ATP8A1: variants seen among roughly 807,000 people sequenced by gnomAD.
The protein encoded by ATP8A1 is phospholipid-transporting ATPase IA.
In ATP8A1, 90 loss-of-function variants were observed where a neutral mutation model predicts 177.7. That is an observed-to-expected ratio of 0.51 (90% CI 0.43 to 0.60). The LOEUF (loss-of-function observed/expected upper bound fraction) is 0.60, where lower values mean the gene tolerates loss of function less well. Ranked by LOEUF, ATP8A1 falls within the 20% of genes least tolerant of loss-of-function variation. The probability of loss-of-function intolerance (pLI) is 0.00; values close to 1 mark genes in which losing one functional copy is unlikely to be tolerated. For missense variants in ATP8A1, 1,072 were observed against 1,392.8 expected (o/e 0.77, Z 3.67); for synonymous variants, 493 against 485.9 (o/e 1.01, Z -0.19).
intron 30 of ATP8A1, 31 bp from the exon 31 acceptor site, chr4:42,446,675 G>A (rs1271909813): frequency 1.3e-6 from 2 of 1,569,874 alleles, no homozygotes; most frequent in South Asian, 1.1e-5. Context: ...TATTAGAAAG[G>A]AAAATGAGAT....
chr4:42,538,684 A>G (rs1031771276), intron 20 of ATP8A1, among the ~76,000 whole-genome samples: 3 of 152,242 alleles, frequency 2.0e-5, no homozygotes, highest in Non-Finnish European at 2.9e-5. Flanking sequence ...TACCAGGGAA[A>G]TGCAAATCAT....
chr4:42,569,192 G>A lies in ATP8A1; in HGVS notation c.1309C>T (p.Pro437Ser). 6.2e-7 allele frequency: 1 copy of A among 1,607,452 alleles called. No homozygotes were observed. The highest frequency in any genetic ancestry group is 2.3e-5 in the East Asian group (1 of 44,324). ...TCAGGAGAGCAGCCATAATCCTCAG[G>A]TTCAGGGACATGGCTTCAGAAAGCA... The part of the protein sequence containing the change: ...AGVAYGHVPE[P>S]EDYGCSPDEW... The change falls in exon 15 of 37, where the codon CCT (proline) becomes TCT (serine). Residue 437 changes from proline to serine, a missense_variant. By Grantham distance (74) the Pro-to-Ser change is moderately conservative. Around this residue, in one of 5 missense-constraint regions of ATP8A1, gnomAD observed 388 missense variants for 471.7 expected, o/e 0.82. Coordinates refer to ENST00000381668, the MANE Select transcript of ATP8A1 (RefSeq NM_006095.2).
At chr4:42,636,156 A>ACGCGCGTGCGCG (rs1553920759) in intron 1 of ATP8A1, among the ~76,000 whole-genome samples, 1 of 90,898 alleles carries the variant, frequency 1.1e-5, no homozygotes, top group Non-Finnish European at 2.6e-5. Context: ...ACACACACAC[A>ACGCGCGTGCGCG]CGCACACACA....
chr4:42,613,586 T>A (rs950909056), intron 5 of ATP8A1, among the ~76,000 whole-genome samples: 8 of 152,120 alleles, frequency 5.3e-5, no homozygotes, highest in African/African-American at 1.7e-4. Context: ...ATTGTTGCAT[T>A]GTTTTTCTTT....
intron 25 of ATP8A1, among the ~76,000 whole-genome samples, chr4:42,469,820 A>C (rs988876220): frequency 6.7e-6 from 1 of 150,064 alleles, no homozygotes; most frequent in African/African-American, 2.4e-5. Flanking sequence ...CTTGATTGTC[A>C]GTACACTTGC....
At chr4:42,471,179 T>C (rs1001787779) in intron 25 of ATP8A1, among the ~76,000 whole-genome samples, 2 of 152,178 alleles carry the variant, frequency 1.3e-5, no homozygotes, top group East Asian at 1.9e-4. Context: ...GTCTTAAAAA[T>C]GATACTTAGC....
Position 42,455,288 on chromosome 4 carries a change from G to A in ATP8A1, c.2817+9C>T. On this transcript the variant is annotated intron_variant, in intron 29 of 36. Transcript: ENST00000381668. ...CCAAACATGTCCCAGCCAGGGCACT[G>A]TGTCCTACCTTGGTGTTGAAGTCCA... 1 of 1,613,456 alleles carries A rather than the reference G, an allele frequency of 6.2e-7. No homozygotes were observed. Among genetic ancestry groups the A allele is most frequent in the East Asian group, 2.2e-5 (1 of 44,870 alleles).
chr4:42,648,283 G>A (rs1041721818), intron 1 of ATP8A1, among the ~76,000 whole-genome samples: 2 of 150,360 alleles, frequency 1.3e-5, no homozygotes, highest in Non-Finnish European at 3.0e-5. Flanking sequence ...GGACAGCTAA[G>A]AGAATATTTT....
At chr4:42,613,159 T>C (rs754869345) in intron 5 of ATP8A1, among the ~76,000 whole-genome samples, 4 of 152,198 alleles carry the variant, frequency 2.6e-5, no homozygotes, top group Non-Finnish European at 5.9e-5. Context: ...CAGCAAACAG[T>C]ATCCTACTCG....
chr4:42,546,162 T>A (rs1356498070), intron 19 of ATP8A1, among the ~76,000 whole-genome samples: 2 of 152,086 alleles, frequency 1.3e-5, no homozygotes, highest in East Asian at 3.9e-4. Context: ...GTCCAAAGGT[T>A]ATGCTGTTCT....
chr4:42,588,235 T>C (rs1270926775), intron 8 of ATP8A1, 25 bp downstream of exon 8: 4 of 1,563,922 alleles, frequency 2.6e-6, no homozygotes, highest in African/African-American at 1.4e-5. Context: ...GCAGTGATTA[T>C]ACATATACTT....
chr4:42,429,913 T>C (rs1189587468), intron 33 of ATP8A1, among the ~76,000 whole-genome samples: 1 of 152,182 alleles, frequency 6.6e-6, no homozygotes, highest in Admixed American at 6.5e-5. Context: ...ATGCAGTGCC[T>C]GGAATAGTCA....
At chr4:42,641,513 T>A (rs924609519) in intron 1 of ATP8A1, among the ~76,000 whole-genome samples, 3 of 144,774 alleles carry the variant, frequency 2.1e-5, no homozygotes, top group African/African-American at 7.5e-5. Flanking sequence ...TTTTTTTTTT[T>A]TAAGACAACT....
At chr4:42,634,604 T>C (rs1325002675) in intron 1 of ATP8A1, among the ~76,000 whole-genome samples, 1 of 152,188 alleles carries the variant, frequency 6.6e-6, no homozygotes, top group Non-Finnish European at 1.5e-5. Flanking sequence ...AGAGACTGTT[T>C]AGGTCTACCA....
intron 24 of ATP8A1, among the ~76,000 whole-genome samples, chr4:42,499,765 T>C (rs1357247230): frequency 6.6e-6 from 1 of 152,180 alleles, no homozygotes; most frequent in African/African-American, 2.4e-5. Flanking sequence ...ACCCAATCCT[T>C]CCAGAACTGT....
intron 12 of ATP8A1, among the ~76,000 whole-genome samples, chr4:42,576,351 C>T (rs1161115190): frequency 1.3e-5 from 2 of 151,630 alleles, no homozygotes; most frequent in Non-Finnish European, 2.9e-5. Flanking sequence ...TGGCAGGCAC[C>T]TGCAGTCCCA....
intron 1 of ATP8A1, among the ~76,000 whole-genome samples, chr4:42,644,432 T>C (rs1334663748): frequency 1.3e-5 from 2 of 152,184 alleles, no homozygotes; most frequent in Non-Finnish European, 2.9e-5. Context: ...AATTCAGAAC[T>C]TTCCAACCTC....
chr4:42,594,260 A>G (rs1329863918), intron 6 of ATP8A1: 1 of 1,381,376 alleles, frequency 7.2e-7, no homozygotes, highest in East Asian at 2.3e-5. Flanking sequence ...CATCCTCTAC[A>G]CTGTTTGAGC....
chr4:42,457,737 G>T (rs576746992), intron 27 of ATP8A1, among the ~76,000 whole-genome samples: 2 of 152,170 alleles, frequency 1.3e-5, no homozygotes, highest in Admixed American at 6.6e-5. Flanking sequence ...AGGCTACTAC[G>T]AGCTTGAAAT....
Sources: gnomAD v4.1 joint callset for allele counts (sites outside exome capture counted in the v4.1 genomes callset) on GRCh38, gnomAD v4.1.1 for gene constraint, gnomAD v4.1.1 regional missense constraint, MANE v1.5 for transcripts, NCBI Gene and HGNC (gene_info 2026-07-23, HGNC 2026-07-21) for gene names.